Variants in DTNB observed in about 807,000 individuals in gnomAD.
DTNB encodes DTN-B.
In DTNB, 63 loss-of-function variants were observed where a neutral mutation model predicts 90.7. The observed-to-expected ratio is 0.69, with a 90% CI of 0.57 to 0.86. The LOEUF (loss-of-function observed/expected upper bound fraction) is 0.86, where lower values mean the gene tolerates loss of function less well. Among genes scored for constraint, DTNB ranks in the 40% least tolerant of loss-of-function variants. The pLI is 0.00. For synonymous variants in DTNB, 277 were observed against 286.7 expected (o/e 0.97, Z 0.34); for missense variants, 744 against 807.1 (o/e 0.92, Z 0.95).
chr2:25,545,418 CTG>C (rs2151057040), intron 8 of DTNB, among the ~76,000 whole-genome samples: 1 of 152,274 alleles, frequency 6.6e-6, no homozygotes, highest in African/African-American at 2.4e-5. Flanking sequence ...GGGTTGTTTT[CTG>C]CATAGGAGTC....
intron 9 of DTNB, among the ~76,000 whole-genome samples, chr2:25,490,730 A>G (rs1242073744): frequency 2.6e-5 from 4 of 152,230 alleles, no homozygotes; most frequent in Admixed American, 6.5e-5. Flanking sequence ...TGCTCAGCAT[A>G]TAGAAGATAA....
chr2:25,559,166 G>T (rs1484903459), intron 8 of DTNB, among the ~76,000 whole-genome samples: 2 of 152,062 alleles, frequency 1.3e-5, no homozygotes, highest in Non-Finnish European at 2.9e-5. Context: ...TTTTATTCCT[G>T]TGAGGCTCAG....
chr2:25,462,944 C>G (rs2061235624), intron 10 of DTNB, among the ~76,000 whole-genome samples: 4 of 152,132 alleles, frequency 2.6e-5, no homozygotes, highest in Non-Finnish European at 5.9e-5. Context: ...ACCTCGTGAT[C>G]CACCCGCCTC....
At chr2:25,500,663 T>C (rs1575141835) in intron 9 of DTNB, among the ~76,000 whole-genome samples, 1 of 152,044 alleles carries the variant, frequency 6.6e-6, no homozygotes, top group African/African-American at 2.4e-5. Context: ...GCTGCAGAAG[T>C]AGTCCAGGGA....
At chr2:25,550,174 G>T (rs186607069) in intron 8 of DTNB, among the ~76,000 whole-genome samples, 6 of 151,998 alleles carry the variant, frequency 3.9e-5, no homozygotes, top group African/African-American at 1.4e-4. Flanking sequence ...GGCGGATCAC[G>T]AGGTCAGGAG....
At chr2:25,659,562 G>C (rs1473980885) in intron 1 of DTNB, among the ~76,000 whole-genome samples, 1 of 151,484 alleles carries the variant, frequency 6.6e-6, no homozygotes, top group Non-Finnish European at 1.5e-5. Flanking sequence ...TGAAAGAGGG[G>C]AAGTTATCAC....
chr2:25,576,971 C>A lies in DTNB; in HGVS notation c.743G>T (p.Cys248Phe), dbSNP rs767060874. 1.1e-5 allele frequency: 18 copies of A among 1,610,752 alleles called. No individual in the cohort carries two copies. Among genetic ancestry groups the A allele is most frequent in the East Asian group, 2.2e-5 (1 of 44,816 alleles). ...FHPVECSYCR[C>F]ESMMGFRYRC... ...GTACCGGAAACCCATCATACTCTCA[C>A]ATCGGCAGTAGGAGCACTCCACGGG... The change falls in exon 8 of 21, where the codon TGT (cysteine) becomes TTT (phenylalanine). Residue 248 changes from cysteine to phenylalanine, a missense_variant. Coordinates refer to ENST00000406818, the MANE Select transcript of DTNB (RefSeq NM_021907.5).
intron 1 of DTNB, among the ~76,000 whole-genome samples, chr2:25,658,178 AC>A (rs2082435823): frequency 6.6e-6 from 1 of 151,490 alleles, no homozygotes; most frequent in Non-Finnish European, 1.5e-5. Context: ...AATTGGTTGA[AC>A]CTGGGAGGCG....
intron 4 of DTNB, among the ~76,000 whole-genome samples, chr2:25,627,531 C>G (rs1182019897): frequency 1.3e-5 from 2 of 152,020 alleles, no homozygotes; most frequent in African/African-American, 4.8e-5. Context: ...ACTTAGAAGT[C>G]AAATAGAAAG....
chr2:25,398,054 G>A (rs2042859811), intron 16 of DTNB, among the ~76,000 whole-genome samples: 1 of 152,168 alleles, frequency 6.6e-6, no homozygotes, highest in African/African-American at 2.4e-5. Flanking sequence ...GGACCCAGGT[G>A]AACATCCAGG....
rs1013658603 is a variant in DTNB, at chr2:25,658,303, A to C, written c.-1-5642T>G. Among the ~76,000 whole-genome samples, 12 of 152,202 alleles carry C rather than the reference A, an allele frequency of 7.9e-5. 1 individual carries two copies. The South Asian group carries it at 1.0e-3, about 13-fold the overall frequency. ...AAAATGCTAACAAGGATGCAGAGGC[A>C]GCAGGAACTCTCATCATTGCTGATG... On this transcript the variant is annotated intron_variant, in intron 1 of 20. Transcript: ENST00000406818.
intron 15 of DTNB, among the ~76,000 whole-genome samples, chr2:25,427,217 A>ACACAC (rs1558477257): frequency 6.6e-6 from 1 of 151,156 alleles, no homozygotes; most frequent in African/African-American, 2.5e-5. Flanking sequence ...ACACACACAC[A>ACACAC]CACACACTAC....
chr2:25,577,489 C>G (rs1241642709), intron 7 of DTNB, among the ~76,000 whole-genome samples: 1 of 151,304 alleles, frequency 6.6e-6, no homozygotes, highest in African/African-American at 2.4e-5. Context: ...AAATTGTCTG[C>G]TAGTCTAACT....
At position 25,433,000 on chromosome 2, in the gene DTNB, C is replaced by T. The variant is rs1403788855; in HGVS notation, c.1344-1G>A. The T allele has an allele frequency of 1.9e-6, 3 of 1,601,614 alleles. No homozygotes were observed. Among genetic ancestry groups the T allele is most frequent in the Non-Finnish European group, 2.6e-6 (3 of 1,175,432 alleles). ...ACGCTGAATCTCCTGCAGGATCTCT[C>T]TAGAGAGGATGGGTGAACGGAAAGG... On this transcript the variant is annotated splice_acceptor_variant, in intron 13 of 20. Transcript: ENST00000406818. LOFTEE classifies it high-confidence loss of function.
intron 9 of DTNB, among the ~76,000 whole-genome samples, chr2:25,526,393 A>ATT (rs1417545308): frequency 9.9e-4 from 59 of 59,424 alleles, no homozygotes; most frequent in Non-Finnish European, 1.1e-3. Flanking sequence ...ATATATATAT[A>ATT]TATTTTTTTT....
chr2:25,589,287 G>GT (rs2148320491), intron 6 of DTNB, among the ~76,000 whole-genome samples: 1 of 148,572 alleles, frequency 6.7e-6, no homozygotes, highest in Admixed American at 6.7e-5. Context: ...TACACTGATT[G>GT]TAAGAGTGTG....
At chr2:25,397,646 G>A (rs758996073) in intron 16 of DTNB, among the ~76,000 whole-genome samples, 1 of 152,078 alleles carries the variant, frequency 6.6e-6, no homozygotes, top group Non-Finnish European at 1.5e-5. Context: ...TTGGGAGGCC[G>A]AGGTAGGTGC....
rs1424079673 is a variant in DTNB, at chr2:25,616,908, GGCGACAGAGCAA to G, written c.363-9599_363-9588del. On this transcript the variant is annotated intron_variant, in intron 4 of 20. Transcript: ENST00000406818. ...GATCGCGCCACTGCACTCCAGCCTG[GGCGACAGAGCAA>G]GACCCCGTCTCAAAAAAAAAAAAAA... Among the ~76,000 whole-genome samples, 23 of 137,242 alleles carry G rather than the reference GGCGACAGAGCAA, an allele frequency of 1.7e-4. No individual in the cohort carries two copies. In the Admixed American group the frequency reaches 1.7e-3, roughly 10 times the overall value. 90.0% of individuals were successfully genotyped at this position (137,242 alleles called of 152,430 possible).
chr2:25,614,433 C>T (rs2069602967), intron 4 of DTNB, among the ~76,000 whole-genome samples: 1 of 152,176 alleles, frequency 6.6e-6, no homozygotes, highest in African/African-American at 2.4e-5. Flanking sequence ...TATAGAACTA[C>T]TAACAACACT....
Sources: gnomAD v4.1 joint callset for allele counts (sites outside exome capture counted in the v4.1 genomes callset) on GRCh38, gnomAD v4.1.1 for gene constraint, MANE v1.5 for transcripts, NCBI Gene and HGNC (gene_info 2026-07-23, HGNC 2026-07-21) for gene names.